Variants in UPP2 observed in about 807,000 individuals in gnomAD.
UPP2 encodes the protein UPase 2.
UPP2 carries 23 observed loss-of-function variants against 26.7 expected under a neutral mutation model. The observed-to-expected ratio is 0.86, with a 90% CI of 0.62 to 1.22. The LOEUF (loss-of-function observed/expected upper bound fraction) is 1.22, where lower values mean the gene tolerates loss of function less well. UPP2 is among the 50% of genes most tolerant of loss of function. The probability of loss-of-function intolerance (pLI) is 0.00; values close to 1 mark genes in which losing one functional copy is unlikely to be tolerated. For missense variants in UPP2, 387 were observed against 396.7 expected, an observed-to-expected ratio of 0.98 and a Z score of 0.21; for synonymous variants, 127 against 141.3, an observed-to-expected ratio of 0.90 and a Z score of 0.72.
chr2:158,106,204 T>G lies in UPP2; in HGVS notation c.168T>G (p.Phe56Leu). 1 of 1,610,474 alleles carries G rather than the reference T, an allele frequency of 6.2e-7. No individual in the cohort carries two copies. The highest frequency in any genetic ancestry group is 1.1e-5 in the South Asian group (1 of 89,804). Residue 56 changes from phenylalanine to leucine, a missense_variant, in exon 2 of 7, where the codon TTT (phenylalanine) becomes TTG (leucine). Coordinates refer to ENST00000005756, the MANE Select transcript of UPP2 (RefSeq NM_173355.4). The part of the protein sequence containing the change: ...GTKTHNLPAM[F>L]GDVKFVCVGG... ...AAACACACAACCTACCAGCAATGTT[T>G]GGAGATGTAAAGGTAAAAACATTTC...
chr2:158,083,279 C>T (rs979480534), intron 3 of UPP2, among the ~76,000 whole-genome samples: 1 of 152,088 alleles, frequency 6.6e-6, no homozygotes, highest in Non-Finnish European at 1.5e-5. Context: ...CGGCACTGTT[C>T]ACAATAGCAA....
intron 3 of UPP2, among the ~76,000 whole-genome samples, chr2:158,075,671 A>G (rs1478969817): frequency 6.6e-6 from 1 of 152,134 alleles, no homozygotes; most frequent in East Asian, 1.9e-4. Context: ...ACCAAAACCT[A>G]TGGGATACAG....
At chr2:158,068,765 A>AATACAT (rs1682477832) in intron 3 of UPP2, among the ~76,000 whole-genome samples, 1 of 31,700 alleles carries the variant, frequency 3.2e-5, no homozygotes. Flanking sequence ...TTCAAATTCA[A>AATACAT]ATATATATAT....
intron 3 of UPP2, among the ~76,000 whole-genome samples, chr2:158,088,152 G>A (rs10187183): frequency 0.023 from 3,561 of 152,136 alleles, 140 homozygotes; most frequent in African/African-American, 0.078. Context: ...ACACAATCCC[G>A]TACTTCTTGG....
intron 4 of UPP2, 128 bp downstream of exon 4, chr2:158,118,066 C>T: frequency 1.4e-6 from 1 of 720,678 alleles, no homozygotes; most frequent in South Asian, 1.9e-5. Context: ...GAAGGCTGGA[C>T]TTGAGGAAAC....
intron 3 of UPP2, among the ~76,000 whole-genome samples, chr2:158,043,462 G>C (rs1278002068): frequency 6.6e-6 from 1 of 152,174 alleles, no homozygotes; most frequent in Non-Finnish European, 1.5e-5. Flanking sequence ...GCATCCAGAT[G>C]CCTCCTACCT....
At chr2:158,093,797 G>T (rs1682946764) in intron 3 of UPP2, among the ~76,000 whole-genome samples, 1 of 151,768 alleles carries the variant, frequency 6.6e-6, no homozygotes, top group Non-Finnish European at 1.5e-5. Context: ...ATTAGGTAGG[G>T]CAATGTAATA....
At chr2:158,103,355 G>A (rs1336918709) in intron 1 of UPP2, among the ~76,000 whole-genome samples, 1 of 152,202 alleles carries the variant, frequency 6.6e-6, no homozygotes, top group Non-Finnish European at 1.5e-5. Flanking sequence ...TAATGGCTCT[G>A]CTGGTTGGAG....
intron 3 of UPP2, among the ~76,000 whole-genome samples, chr2:158,051,936 C>T (rs1017902665): frequency 1.3e-5 from 2 of 152,200 alleles, no homozygotes; most frequent in African/African-American, 4.8e-5. Context: ...GCCTGGCACA[C>T]ATATCCTCTG....
At chr2:158,086,232 G>A (rs928983228) in intron 3 of UPP2, among the ~76,000 whole-genome samples, 7 of 151,862 alleles carry the variant, frequency 4.6e-5, no homozygotes, top group Non-Finnish European at 7.4e-5. Context: ...ATCTGGGAGG[G>A]TTATATATTT....
Position 158,135,067 on chromosome 2 carries a change from AAATT to A in UPP2, c.*180_*183del, listed in dbSNP as rs1333742845. On this transcript the variant is annotated 3_prime_UTR_variant, in exon 7 of 7. Coordinates refer to ENST00000005756, the MANE Select transcript of UPP2 (RefSeq NM_173355.4). ...TTTATTGTAAAAGAATACTCACACT[AAATT>A]AAATTCAAATTTCATTTTAGAATAA... The A allele has an allele frequency of 1.4e-6, 1 of 706,804 alleles. No homozygotes were observed. The highest frequency in any genetic ancestry group is 1.9e-5 in the African/African-American group (1 of 54,024). 43.8% of individuals were successfully genotyped at this position (706,804 alleles called of 1,614,324 possible). A position where few individuals can be genotyped will look rare whatever the true frequency, so the allele number is the denominator to read the frequency against.
At chr2:158,111,787 C>G (rs563195489) in intron 2 of UPP2, among the ~76,000 whole-genome samples, 1 of 151,850 alleles carries the variant, frequency 6.6e-6, no homozygotes, top group African/African-American at 2.4e-5. Context: ...AGTGGTTGCT[C>G]TAAGGATTAC....
intron 3 of UPP2, among the ~76,000 whole-genome samples, chr2:158,031,866 C>T (rs754695060): frequency 6.6e-6 from 1 of 152,154 alleles, no homozygotes; most frequent in Non-Finnish European, 1.5e-5. Flanking sequence ...TAGCAATTTC[C>T]TCGTGTTTTA....
Position 158,130,457 on chromosome 2 carries a change from A to C in UPP2, c.812-4291A>C, listed in dbSNP as rs563005255. On this transcript the variant is annotated intron_variant, in intron 6 of 6. Coordinates refer to ENST00000005756, the MANE Select transcript of UPP2 (RefSeq NM_173355.4). ...CAGAGCAAGAATCCGTCTCAAAAAAAAAAACAAAAAAAAAAAACCACTGTG... is the reference window on the plus strand; with the variant it reads ...CAGAGCAAGAATCCGTCTCAAAAAACAAAACAAAAAAAAAAAACCACTGTG... 3.5e-4 allele frequency among the ~76,000 whole-genome samples: 25 copies of C among 70,668 alleles called. 1 individual carries two copies. The highest frequency in any genetic ancestry group is 0.015 in the Middle Eastern group (2 of 132). The allele number at this position is 70,668 out of a possible 152,430, so 46.4% of individuals were successfully genotyped here.
At chr2:158,083,019 T>C (rs13396135) in intron 3 of UPP2, among the ~76,000 whole-genome samples, 15,428 of 152,164 alleles carry the variant, frequency 0.1, 1,561 homozygotes, top group African/African-American at 0.25. Flanking sequence ...CCATCTTACA[T>C]CAGTTAGAAT....
chr2:157,997,025 A>C (rs914545729), intron 2 of UPP2, among the ~76,000 whole-genome samples: 2 of 152,208 alleles, frequency 1.3e-5, no homozygotes, highest in African/African-American at 4.8e-5. Context: ...TAACCTCAAC[A>C]GTGTGTCTTC....
chr2:158,072,500 A>G (rs555014176), intron 3 of UPP2, among the ~76,000 whole-genome samples: 36 of 152,010 alleles, frequency 2.4e-4, no homozygotes, highest in Non-Finnish European at 4.9e-4. Context: ...GTAGCCAAAT[A>G]GTGGTTACAG....
chr2:157,995,549 T>C (rs904241333), intron 2 of UPP2, among the ~76,000 whole-genome samples: 2 of 152,152 alleles, frequency 1.3e-5, no homozygotes, highest in Non-Finnish European at 2.9e-5. Context: ...TTATTTTCAA[T>C]CACCTTTTTA....
chr2:158,106,178 A>AAAACACAC lies in UPP2; in HGVS notation c.145_152dup (p.Asn51LysfsTer12). 6.2e-7 allele frequency: 1 copy of AAAACACAC among 1,613,030 alleles called. No individual in the cohort carries two copies. The highest frequency in any genetic ancestry group is 8.5e-7 in the Non-Finnish European group (1 of 1,179,650). Reference sequence around the variant, plus strand: ...TCTCTATCACTTGGATTTGGGAACAAAAACACACAACCTACCAGCAATGTT... The same window carrying AAAACACAC: ...TCTCTATCACTTGGATTTGGGAACAAAAACACACAAACACACAACCTACCAGCAATGTT... On this transcript the variant is annotated frameshift_variant, in exon 2 of 7. Transcript: ENST00000005756. LOFTEE classifies it high-confidence loss of function.
Sources: gnomAD v4.1 joint callset for allele counts (sites outside exome capture counted in the v4.1 genomes callset) on GRCh38, gnomAD v4.1.1 for gene constraint, MANE v1.5 for transcripts, NCBI Gene and HGNC (gene_info 2026-07-23, HGNC 2026-07-21) for gene names.